Variants in ESRP2 observed in about 807,000 individuals in gnomAD.
The protein encoded by ESRP2 is RNA binding motif protein 35A.
Under a neutral mutation model 78.6 loss-of-function variants are expected in ESRP2, and 48 were observed. That is an observed-to-expected ratio of 0.61 (90% CI 0.48 to 0.78). The LOEUF is 0.78. Among genes scored for constraint, ESRP2 ranks in the 30% least tolerant of loss-of-function variants. ESRP2 has a pLI of 0.00. For synonymous variants in ESRP2, 383 were observed against 406.7 expected (o/e 0.94, Z 0.70); for missense variants, 863 against 965.9 (o/e 0.89, Z 1.41).
rs1237028167 is a variant in ESRP2 at position 68,231,273 on chromosome 16, T to G, written c.1616A>C (p.Glu539Ala). The G allele has an allele frequency of 6.2e-7, 1 of 1,614,004 alleles. No individual in the cohort carries two copies. The highest frequency in any genetic ancestry group is 2.2e-5 in the East Asian group (1 of 44,866). Residue 539 changes from glutamate to alanine, a missense_variant, in exon 12 of 15, where the codon GAG becomes GCG. Coordinates refer to ENST00000473183, the MANE Select transcript of ESRP2 (RefSeq NM_024939.3). The surrounding 1 kb of genome is among the most constrained non-coding windows in gnomAD (Gnocchi z 6.0). ...HKKVMKERYVEVVPCSTEEMS... is the reference protein window; with the variant it reads ...HKKVMKERYVAVVPCSTEEMS... ...CTCCTCTGTGGAACAGGGGACCACCTCCACGTAGCGCTCCTTCATCACCTT... is the reference window on the plus strand; with the variant it reads ...CTCCTCTGTGGAACAGGGGACCACCGCCACGTAGCGCTCCTTCATCACCTT...
At position 68,233,491 on chromosome 16, in the gene ESRP2, C is replaced by G. The variant is rs750917108; in HGVS notation, c.557-66G>C. The G allele has an allele frequency of 4.1e-6, 5 of 1,213,938 alleles. No individual in the cohort carries two copies. The South Asian group carries it at 6.0e-5, about 15-fold the overall frequency. The allele number at this position is 1,213,938 out of a possible 1,614,324, so 75.2% of individuals were successfully genotyped here. On this transcript the variant is annotated intron_variant, in intron 4 of 14. Coordinates refer to ENST00000473183, the MANE Select transcript of ESRP2 (RefSeq NM_024939.3). ...GCACTAATCCTGTTTACTCCTGGGC[C>G]CAACTCCCCTCCATAGACACATGCT... is the stretch of plus-strand genomic sequence containing the variant.
In ESRP2 at chr16:68,235,449, A is replaced by G. The variant is rs1029124665; in HGVS notation, c.327+185T>C. On this transcript the variant is annotated intron_variant, in intron 2 of 14. Coordinates refer to ENST00000473183, the MANE Select transcript of ESRP2 (RefSeq NM_024939.3). The surrounding 1 kb of genome is among the most constrained non-coding windows in gnomAD (Gnocchi z 5.5). ...GGTTGAAAAGTAAGGAGCCCAGGGG[A>G]ATGGCTGGCACGCGCGGATGAAAGG... The G allele has an allele frequency of 1.3e-5, 13 of 985,280 alleles. No homozygotes were observed. In the African/African-American group the frequency reaches 1.6e-4, roughly 12 times the overall value. The allele number at this position is 985,280 out of a possible 1,614,324, so 61.0% of individuals were successfully genotyped here. A position where few individuals can be genotyped will look rare whatever the true frequency, so the allele number is the denominator to read the frequency against.
chr16:68,234,042 ATCAG>A lies in ESRP2; in HGVS notation c.389_392del (p.Thr130MetfsTer57). On this transcript the variant is annotated frameshift_variant, in exon 3 of 15. Coordinates refer to ENST00000473183, the MANE Select transcript of ESRP2 (RefSeq NM_024939.3). LOFTEE classifies it high-confidence loss of function. ...GGACCTGTCGCAATAGCTGCTGCCCATCAGTGCAGAGCATGTAGGGGCCCCCGCC... is the reference window on the plus strand; with the variant it reads ...GGACCTGTCGCAATAGCTGCTGCCCATGCAGAGCATGTAGGGGCCCCCGCC... The A allele has an allele frequency of 6.2e-7, 1 of 1,614,002 alleles. No homozygotes were observed. The highest frequency in any genetic ancestry group is 2.2e-5 in the East Asian group (1 of 44,872).
In ESRP2 at chr16:68,231,012, G is replaced by A. The variant is rs1185355698; in HGVS notation, c.1727C>T (p.Thr576Ile). Reference sequence around the variant, plus strand: ...TGGGGTGGCTTGGAAGGTGGTGTAGGTAGGTGGTGAGAGGCCTAGAGACGG... The same window carrying A: ...TGGGGTGGCTTGGAAGGTGGTGTAGATAGGTGGTGAGAGGCCTAGAGACGG... ...PCKLPCLSPPTYTTFQATPTL... is the reference protein window; with the variant it reads ...PCKLPCLSPPIYTTFQATPTL... Residue 576 changes from threonine (T) to isoleucine (I), a missense_variant, in exon 13 of 15, where the codon ACC (threonine) becomes ATC (isoleucine). Coordinates refer to ENST00000473183, the MANE Select transcript of ESRP2 (RefSeq NM_024939.3). This position sits in a 1 kb window ranked among gnomAD's most constrained non-coding sequence, Gnocchi z 6.0. The A allele has an allele frequency of 1.3e-6, 2 of 1,594,770 alleles. No individual in the cohort carries two copies. Among genetic ancestry groups the A allele is most frequent in the South Asian group, 1.1e-5 (1 of 87,338 alleles).
rs1193303164 is a variant in ESRP2 at position 68,231,917 on chromosome 16, G to C, written c.1184C>G (p.Ala395Gly). 1.9e-6 allele frequency: 3 copies of C among 1,613,942 alleles called. No homozygotes were observed. Among genetic ancestry groups the C allele is most frequent in the Admixed American group, 1.7e-5 (1 of 59,992 alleles). ...RHPDGRPTGD[A>G]FALFACEELA... ...CTCCTCACAAGCAAAGAGGGCGAAG[G>C]CATCACCAGTCGGCCGGCCATCAGG... is the stretch of plus-strand genomic sequence containing the variant. Residue 395 changes from alanine to glycine, a missense_variant, in exon 10 of 15, where the codon GCC becomes GGC. By Grantham distance (60) the Ala-to-Gly change is moderately conservative. Coordinates refer to ENST00000473183, the MANE Select transcript of ESRP2 (RefSeq NM_024939.3). This position sits in a 1 kb window ranked among gnomAD's most constrained non-coding sequence, Gnocchi z 6.0.
chr16:68,232,742 C>T lies in ESRP2; in HGVS notation c.710+19G>A. The T allele has an allele frequency of 1.2e-6, 2 of 1,614,232 alleles. No individual in the cohort carries two copies. The highest frequency in any genetic ancestry group is 1.3e-5 in the African/African-American group (1 of 75,062). On this transcript the variant is annotated intron_variant, in intron 6 of 14. Coordinates refer to ENST00000473183, the MANE Select transcript of ESRP2 (RefSeq NM_024939.3). This position sits in a 1 kb window ranked among gnomAD's most constrained non-coding sequence, Gnocchi z 5.2. ...GCTATTCAGCTGTTGTCACCCCCAG[C>T]CCCTGCTCCCACACTCACCAAGGCC...
rs1056317098 is a variant in ESRP2 at position 68,232,920 on chromosome 16, C to T, written c.656-105G>A. ...TGAGAGAGATGAAGAAATGACAGGC[C>T]GAGCACAGTGGCTCACGCCTATAAT... On this transcript the variant is annotated intron_variant, in intron 5 of 14. Coordinates refer to ENST00000473183, the MANE Select transcript of ESRP2 (RefSeq NM_024939.3). This position sits in a 1 kb window ranked among gnomAD's most constrained non-coding sequence, Gnocchi z 5.2. 95 of 1,507,468 alleles carry T rather than the reference C, an allele frequency of 6.3e-5. No homozygotes were observed. In the African/African-American group the frequency reaches 9.5e-4, roughly 15 times the overall value. 93.4% of individuals were successfully genotyped at this position (1,507,468 alleles called of 1,614,324 possible).
chr16:68,230,434 G>A lies in ESRP2; in HGVS notation c.2019C>T (p.Tyr673=), dbSNP rs1274707572. Reference sequence around the variant, plus strand: ...TGAGCAGATCCTTCATACCAGCCGTGTATGGGACACCCTGCATGCGGACCA... The same window carrying A: ...TGAGCAGATCCTTCATACCAGCCGTATATGGGACACCCTGCATGCGGACCA... ...GALVRMQGVP[Y]TAGMKDLLSV... The change falls in exon 14 of 15, where the codon TAC becomes TAT. Residue 673 remains tyrosine (Y), a synonymous_variant. Transcript: ENST00000473183. 2 of 1,613,322 alleles carry A rather than the reference G, an allele frequency of 1.2e-6. No individual in the cohort carries two copies. The highest frequency in any genetic ancestry group is 1.7e-6 in the Non-Finnish European group (2 of 1,179,492).
Position 68,230,216 on chromosome 16 carries a change from G to T in ESRP2, c.*10C>A, listed in dbSNP as rs762587218. On this transcript the variant is annotated 3_prime_UTR_variant, in exon 15 of 15. Coordinates refer to ENST00000473183, the MANE Select transcript of ESRP2 (RefSeq NM_024939.3). ...GATATCAGCTGGCTCTTACCTCCTGGCTTTCTCTCCTACAAACACACCCAT... is the reference window on the plus strand; with the variant it reads ...GATATCAGCTGGCTCTTACCTCCTGTCTTTCTCTCCTACAAACACACCCAT... The T allele has an allele frequency of 3.7e-6, 6 of 1,613,716 alleles. No individual in the cohort carries two copies. In the East Asian group the frequency reaches 1.3e-4, roughly 36 times the overall value.
At chr16:68,233,729 A>C (rs1216406054) in intron 4 of ESRP2, 39 bp downstream of exon 4, 1 of 1,464,750 alleles carries the variant, frequency 6.8e-7, no homozygotes, top group Non-Finnish European at 9.6e-7. Flanking sequence ...ATGTACCCAC[A>C]GTGGCTTCTC....
intron 4 of ESRP2, 80 bp downstream of exon 4, chr16:68,233,688 A>C: frequency 9.7e-7 from 1 of 1,031,954 alleles, no homozygotes; most frequent in South Asian, 1.3e-5. Context: ...TGTCCATATT[A>C]CCCACCCACA....
chr16:68,235,427 T>G lies in ESRP2; in HGVS notation c.327+207A>C, dbSNP rs950454207. The stretch of plus-strand genomic sequence containing the variant: ...GGTAGGAGTAGGTTCCTGCAATGGT[T>G]GAAAAGTAAGGAGCCCAGGGGAATG... On this transcript the variant is annotated intron_variant, in intron 2 of 14. Coordinates refer to ENST00000473183, the MANE Select transcript of ESRP2 (RefSeq NM_024939.3). This position sits in a 1 kb window ranked among gnomAD's most constrained non-coding sequence, Gnocchi z 5.5. 2 of 985,202 alleles carry G rather than the reference T, an allele frequency of 2.0e-6. No homozygotes were observed. Among genetic ancestry groups the G allele is most frequent in the Non-Finnish European group, 2.4e-6 (2 of 829,896 alleles). The allele number at this position is 985,202 out of a possible 1,614,324, so 61.0% of individuals were successfully genotyped here.
rs765862714 is a variant in ESRP2 at position 68,232,270 on chromosome 16, C to T, written c.973G>A (p.Glu325Lys). Residue 325 changes from glutamate (E) to lysine (K), a missense_variant, in exon 9 of 15, where the codon GAG becomes AAG. By Grantham distance (56) the Glu-to-Lys change is moderately conservative (BLOSUM62 1). Transcript: ENST00000473183. This position sits in a 1 kb window ranked among gnomAD's most constrained non-coding sequence, Gnocchi z 5.2. ...RYIEVYKATGEEFVKIAGGTS... is the reference protein window; with the variant it reads ...RYIEVYKATGKEFVKIAGGTS... ...CCCCCTGCAATCTTTACAAACTCCT[C>T]CCCTGTCGCTTTATACACCTGTGGG... 16 of 1,614,186 alleles carry T rather than the reference C, an allele frequency of 9.9e-6. No individual in the cohort carries two copies. Among genetic ancestry groups the T allele is most frequent in the Middle Eastern group, 1.6e-4 (1 of 6,062 alleles).
rs2042106011 is a variant in ESRP2, at chr16:68,230,145, T to C, written c.*81A>G. 1 of 1,340,888 alleles carries C rather than the reference T, an allele frequency of 7.5e-7. No homozygotes were observed. The highest frequency in any genetic ancestry group is 1.7e-5 in the Admixed American group (1 of 58,664). 83.1% of individuals were successfully genotyped at this position (1,340,888 alleles called of 1,614,324 possible). ...GACAAGCCAGAAAGAAGCTACCAGG[T>C]TGAGGGTGCTGGTCTTCTGGACTCA... On this transcript the variant is annotated 3_prime_UTR_variant, in exon 15 of 15. Coordinates refer to ENST00000473183, the MANE Select transcript of ESRP2 (RefSeq NM_024939.3).
chr16:68,236,038 G>A lies in ESRP2; in HGVS notation c.8C>T (p.Pro3Leu), dbSNP rs762506024. 2.1e-6 allele frequency: 3 copies of A among 1,450,058 alleles called. No homozygotes were observed. Among genetic ancestry groups the A allele is most frequent in the Non-Finnish European group, 2.7e-6 (3 of 1,113,422 alleles). 89.8% of individuals were successfully genotyped at this position (1,450,058 alleles called of 1,614,324 possible). MT[P>L]PPPPPPPPGP... ...CGGGGGAGGGGGCGGCGGCGGCGGC[G>A]GAGTCATGGCCGCAGAGGAAGGGGG... Residue 3 changes from proline to leucine, a missense_variant, in exon 1 of 15, where the codon CCG becomes CTG. Transcript: ENST00000473183. The surrounding 1 kb of genome is among the most constrained non-coding windows in gnomAD (Gnocchi z 5.2).
At position 68,232,883 on chromosome 16, in the gene ESRP2, A is replaced by G; in HGVS notation, c.656-68T>C. Reference sequence around the variant, plus strand: ...GGGGTGTCCCCACCAAGTTCTGCAAAAAGTGGACAATTGAGAGAGATGAAG... The same window carrying G: ...GGGGTGTCCCCACCAAGTTCTGCAAGAAGTGGACAATTGAGAGAGATGAAG... On this transcript the variant is annotated intron_variant, in intron 5 of 14. Coordinates refer to ENST00000473183, the MANE Select transcript of ESRP2 (RefSeq NM_024939.3). This position sits in a 1 kb window ranked among gnomAD's most constrained non-coding sequence, Gnocchi z 5.2. 1 of 1,604,506 alleles carries G rather than the reference A, an allele frequency of 6.2e-7. No individual in the cohort carries two copies.
Position 68,231,783 on chromosome 16 carries a change from G to T in ESRP2, c.1299+19C>A. ...TGGAGTAACAGTACATCTGGGGGTGGGGAGCCCTGGGCGCTCACCTGCTGC... is the reference window on the plus strand; with the variant it reads ...TGGAGTAACAGTACATCTGGGGGTGTGGAGCCCTGGGCGCTCACCTGCTGC... On this transcript the variant is annotated intron_variant, in intron 10 of 14. Coordinates refer to ENST00000473183, the MANE Select transcript of ESRP2 (RefSeq NM_024939.3). The surrounding 1 kb of genome is among the most constrained non-coding windows in gnomAD (Gnocchi z 6.0). 6.2e-7 allele frequency: 1 copy of T among 1,604,614 alleles called. No individual in the cohort carries two copies. The highest frequency in any genetic ancestry group is 8.5e-7 in the Non-Finnish European group (1 of 1,172,814).
Position 68,232,402 on chromosome 16 carries a change from T to A in ESRP2, c.923A>T (p.His308Leu), listed in dbSNP as rs1402905015. The A allele has an allele frequency of 1.9e-6, 3 of 1,614,002 alleles. No individual in the cohort carries two copies. In the African/African-American group the frequency reaches 4.0e-5, roughly 22 times the overall value. ...ATAGCGGACGCCCATGTGGTGCTTG[T>A]GTCTCTGCAGCGCTAGGTCCCGCTG... ...SEQRDLALQR[H>L]KHHMGVRYIE... is the part of the protein sequence containing the mutation. The change falls in exon 8 of 15, where the codon CAC becomes CTC. Residue 308 changes from histidine (H) to leucine (L), a missense_variant. Physicochemically the swap from His to Leu is moderately conservative, Grantham distance 99. Transcript: ENST00000473183. The surrounding 1 kb of genome is among the most constrained non-coding windows in gnomAD (Gnocchi z 5.2).
chr16:68,232,473 C>G lies in ESRP2; in HGVS notation c.852G>C (p.Gln284His). The G allele has an allele frequency of 6.2e-7, 1 of 1,614,184 alleles. No individual in the cohort carries two copies. Among genetic ancestry groups the G allele is most frequent in the Non-Finnish European group, 8.5e-7 (1 of 1,180,044 alleles). ...TGAGGGCCTCGCCATTTCTGCGGCC[C>G]TGGGCGTTGAGGCAGAGTGCTACAC... ...RGGVALCLNA[Q>H]GRRNGEALIR... Residue 284 changes from glutamine (Q) to histidine (H), a missense_variant, in exon 8 of 15, where the codon CAG (glutamine) becomes CAC (histidine). By Grantham distance (24) the Gln-to-His change is conservative (BLOSUM62 0). Coordinates refer to ENST00000473183, the MANE Select transcript of ESRP2 (RefSeq NM_024939.3). The surrounding 1 kb of genome is among the most constrained non-coding windows in gnomAD (Gnocchi z 5.2).
Sources: gnomAD v4.1 joint callset for allele counts on GRCh38, gnomAD v4.1.1 for gene constraint, Gnocchi (gnomAD v3.1) non-coding constraint, MANE v1.5 for transcripts, NCBI Gene and HGNC (gene_info 2026-07-23, HGNC 2026-07-21) for gene names.